Variants in STRN3 observed in about 807,000 individuals in gnomAD.
STRN3 encodes the protein striatin-3.
In STRN3, 29 loss-of-function variants were observed where a neutral mutation model predicts 95.6. The ratio of observed to expected loss-of-function variants is 0.30; its 90% CI spans 0.23 to 0.41. STRN3 has a LOEUF of 0.41. Among genes scored for constraint, STRN3 ranks in the 10% least tolerant of loss-of-function variants. The probability of loss-of-function intolerance (pLI) is 1.00; values close to 1 mark genes in which losing one functional copy is unlikely to be tolerated. For synonymous variants in STRN3, 331 were observed against 357.6 expected (o/e 0.93, Z 0.84); for missense variants, 890 against 972.1 (o/e 0.92, Z 1.12).
chr14:30,901,801 A>C (rs1411740483), intron 16 of STRN3, among the ~76,000 whole-genome samples: 2 of 152,224 alleles, frequency 1.3e-5, no homozygotes, highest in African/African-American at 4.8e-5. Flanking sequence ...CCCTACAACA[A>C]GAAATACAGG....
chr14:30,995,297 G>C (rs1882146085), intron 1 of STRN3, among the ~76,000 whole-genome samples: 1 of 151,640 alleles, frequency 6.6e-6, no homozygotes, highest in South Asian at 2.1e-4. Context: ...AAGTTCCTGG[G>C]AGCAGCAAGA....
intron 1 of STRN3, among the ~76,000 whole-genome samples, chr14:31,003,983 T>C (rs1882597993): frequency 6.6e-6 from 1 of 151,208 alleles, no homozygotes; most frequent in South Asian, 2.1e-4. Context: ...TGAGACCTCA[T>C]CTCAACAAAG....
chr14:30,994,260 G>A (rs1021343587), intron 1 of STRN3, among the ~76,000 whole-genome samples: 1 of 152,124 alleles, frequency 6.6e-6, no homozygotes, highest in Non-Finnish European at 1.5e-5. Flanking sequence ...CAAAGTTCTA[G>A]GATTACAGGC....
intron 15 of STRN3, among the ~76,000 whole-genome samples, chr14:30,904,115 C>T (rs1166456777): frequency 6.6e-6 from 1 of 152,214 alleles, no homozygotes; most frequent in Non-Finnish European, 1.5e-5. Context: ...AGTACCCCAA[C>T]TGTAGTCTCT....
At chr14:30,937,343 T>C (rs1281427103) in intron 5 of STRN3, among the ~76,000 whole-genome samples, 2 of 151,866 alleles carry the variant, frequency 1.3e-5, no homozygotes, top group African/African-American at 4.8e-5. Context: ...TAAAAATAAT[T>C]TATCAAGCAG....
chr14:30,955,288 C>T (rs1879845189), intron 3 of STRN3, among the ~76,000 whole-genome samples: 1 of 152,140 alleles, frequency 6.6e-6, no homozygotes, highest in African/African-American at 2.4e-5. Flanking sequence ...CCAAGTTCTA[C>T]ATACTTAATA....
At chr14:30,985,370 G>A (rs538925843) in intron 1 of STRN3, among the ~76,000 whole-genome samples, 4 of 151,434 alleles carry the variant, frequency 2.6e-5, no homozygotes, top group Admixed American at 6.6e-5. Context: ...TTTGGGGGCC[G>A]AGGCAGGTGG....
intron 1 of STRN3, among the ~76,000 whole-genome samples, chr14:30,992,184 C>A (rs1395029624): frequency 4.0e-5 from 6 of 151,316 alleles, no homozygotes; most frequent in African/African-American, 1.2e-4. Context: ...CTGAGGCGGG[C>A]GGATCACCTG....
At chr14:30,976,407 C>T (rs1294196835) in intron 1 of STRN3, among the ~76,000 whole-genome samples, 2 of 152,122 alleles carry the variant, frequency 1.3e-5, no homozygotes, top group Non-Finnish European at 2.9e-5. Context: ...TTGAGAAATA[C>T]ATGAATCCAC....
rs889981546 is a variant in STRN3, at chr14:30,894,380, T to C, written c.*1031A>G. ...TTAGACTATTCAAAGAGTTCCAAAA[T>C]AGATATACAGGTTCCTTTAGCACAT... On this transcript the variant is annotated 3_prime_UTR_variant, in exon 18 of 18. Transcript: ENST00000357479. 2 of 152,604 alleles carry C rather than the reference T, an allele frequency of 1.3e-5. No homozygotes were observed. The highest frequency in any genetic ancestry group is 1.3e-4 in the Admixed American group (2 of 15,280). 9.5% of individuals were successfully genotyped at this position (152,604 alleles called of 1,614,324 possible).
chr14:30,929,967 A>AAAAAAAAAAAAAAAAAACAAAAAAAC (rs1555317336), intron 7 of STRN3, among the ~76,000 whole-genome samples: 1 of 91,122 alleles, frequency 1.1e-5, no homozygotes, highest in African/African-American at 3.8e-5. Flanking sequence ...AAAAAAAAAA[A>AAAAAAAAAAAAAAAAAACAAAAAAAC]AAAAAAAAAA....
rs1191963792 is a variant in STRN3, at chr14:30,929,954, C to CAAAAAAAAAAA, written c.989-654_989-644dup. On this transcript the variant is annotated intron_variant, in intron 7 of 17. Transcript: ENST00000357479. ...TCCATTGGTCTACAACTAAGATTAG[C>CAAAAAAAAAAA]AAAAAAAAAAAAAAAAAAAAAAAAA... Among the ~76,000 whole-genome samples the CAAAAAAAAAAA allele has an allele frequency of 8.6e-3, 342 of 39,928 alleles. 42 individuals are homozygous for CAAAAAAAAAAA. Among genetic ancestry groups the CAAAAAAAAAAA allele is most frequent in the Non-Finnish European group, 0.011 (237 of 22,420 alleles). The allele number at this position is 39,928 out of a possible 152,430, so 26.2% of individuals were successfully genotyped here. A position where few individuals can be genotyped will look rare whatever the true frequency, so the allele number is the denominator to read the frequency against.
At chr14:30,898,719 G>A (rs4981083) in intron 16 of STRN3, among the ~76,000 whole-genome samples, 2 of 152,162 alleles carry the variant, frequency 1.3e-5, no homozygotes, top group South Asian at 4.1e-4. Flanking sequence ...TTTTGGCCTC[G>A]TGCTTCTGCT....
intron 9 of STRN3, among the ~76,000 whole-genome samples, chr14:30,915,478 G>T (rs1005793801): frequency 6.6e-6 from 1 of 152,084 alleles, no homozygotes; most frequent in African/African-American, 2.4e-5. Context: ...ATCTTTCAAT[G>T]ATGACACTTA....
intron 1 of STRN3, among the ~76,000 whole-genome samples, chr14:31,002,184 AAAAAC>A (rs1173375337): frequency 7.0e-6 from 1 of 142,822 alleles, no homozygotes; most frequent in African/African-American, 2.7e-5. Context: ...AAAAAAAAAA[AAAAAC>A]AAGGCCAGGC....
chr14:30,906,854 T>A, intron 14 of STRN3, 23 bp downstream of exon 14: 3 of 1,593,428 alleles, frequency 1.9e-6, no homozygotes, highest in Non-Finnish European at 2.6e-6. Flanking sequence ...CTAACTTTTC[T>A]CACAGATGCA....
intron 5 of STRN3, among the ~76,000 whole-genome samples, chr14:30,946,271 G>A (rs188048904): frequency 3.9e-5 from 6 of 152,292 alleles, no homozygotes; most frequent in East Asian, 1.9e-4. Context: ...GGTTGGGTAC[G>A]GTGGCTCATG....
At chr14:30,950,676 C>T (rs1030622592) in intron 4 of STRN3, among the ~76,000 whole-genome samples, 187 bp downstream of exon 4, 1 of 152,110 alleles carries the variant, frequency 6.6e-6, no homozygotes, top group African/African-American at 2.4e-5. Context: ...AGTAAGAAGA[C>T]AACATCACCC....
chr14:30,974,648 A>T (rs1404212704), intron 1 of STRN3, among the ~76,000 whole-genome samples: 1 of 152,040 alleles, frequency 6.6e-6, no homozygotes, highest in African/African-American at 2.4e-5. Flanking sequence ...AATAAATAAA[A>T]CAAATATTTG....
Sources: allele counts gnomAD v4.1 joint callset (sites outside exome capture counted in the v4.1 genomes callset), GRCh38; gene constraint gnomAD v4.1.1; transcripts MANE v1.5; gene names NCBI Gene and HGNC (gene_info 2026-07-23, HGNC 2026-07-21).